Variants in HS6ST2 observed in about 807,000 individuals in gnomAD.
The protein encoded by HS6ST2 is heparan-sulfate 6-O-sulfotransferase 2.
In HS6ST2, 17 loss-of-function variants were observed where a neutral mutation model predicts 33.0. That is an observed-to-expected ratio of 0.52 (90% confidence interval 0.35 to 0.77). HS6ST2 has a LOEUF of 0.77. Among genes scored for constraint, HS6ST2 ranks in the 30% least tolerant of loss-of-function variants. The pLI is 0.01. For missense variants in HS6ST2, 519 were observed against 551.7 expected (o/e 0.94, Z 0.59); for synonymous variants, 248 against 237.1 (o/e 1.05, Z -0.42).
intron 2 of HS6ST2, among the ~76,000 whole-genome samples, chrX:132,850,435 A>G (rs1286608412): frequency 1.8e-5 from 2 of 111,264 alleles, no homozygotes; most frequent in African/African-American, 6.5e-5. Context: ...AGTGCAATAT[A>G]CCAGTACAAA....
chrX:132,814,100 C>T (rs1004639583), intron 2 of HS6ST2, among the ~76,000 whole-genome samples: 2 of 110,880 alleles, frequency 1.8e-5, no homozygotes, highest in Admixed American at 9.6e-5. Flanking sequence ...CCCACCACCA[C>T]GCCCGGATAA....
Position 132,719,955 on chromosome X carries a change from T to C in HS6ST2, c.948-11461A>G, listed in dbSNP as rs1480538123. 2.7e-5 allele frequency among the ~76,000 whole-genome samples: 3 copies of C among 112,460 alleles called. No homozygotes were observed. The East Asian group carries it at 8.4e-4, about 32-fold the overall frequency. The stretch of plus-strand genomic sequence containing the variant: ...ACCACCTAAGGTTGCTGGGGCTGCC[T>C]GTCTGACTGTGACATCCAAGCTACT... On this transcript the variant is annotated intron_variant, in intron 2 of 4. Transcript: ENST00000370833.
intron 4 of HS6ST2, among the ~76,000 whole-genome samples, chrX:132,661,380 T>C (rs1005866837): frequency 9.2e-6 from 1 of 108,873 alleles, no homozygotes; most frequent in African/African-American, 3.3e-5. Flanking sequence ...TCTACAAAAA[T>C]CAATTATACT....
intron 2 of HS6ST2, among the ~76,000 whole-genome samples, chrX:132,760,609 C>T (rs772076286): frequency 6.4e-4 from 72 of 111,660 alleles, no homozygotes; most frequent in African/African-American, 2.3e-3. Context: ...CTACTCAGAG[C>T]AAAGAAAAGT....
chrX:132,656,802 G>C lies in HS6ST2; in HGVS notation c.1067+12311C>G, dbSNP rs141204393. ...TCAGGAAGAGGTAGAGTGAGGGCCT[G>C]GAGCCCCATCTATTTACCACTCCAG... On this transcript the variant is annotated intron_variant, in intron 4 of 4. Transcript: ENST00000370833. Among the ~76,000 whole-genome samples, 622 of 111,913 alleles carry C rather than the reference G, an allele frequency of 5.6e-3. 6 individuals are homozygous for C. The highest frequency in any genetic ancestry group is 0.019 in the African/African-American group (599 of 30,839).
At chrX:132,697,190 T>C (rs902118127) in intron 3 of HS6ST2, among the ~76,000 whole-genome samples, 1 of 112,103 alleles carries the variant, frequency 8.9e-6, no homozygotes, top group Admixed American at 9.5e-5. Context: ...GAAATGAGCA[T>C]ATCAGGTGTG....
intron 3 of HS6ST2, among the ~76,000 whole-genome samples, chrX:132,676,358 A>G (rs2063923526): frequency 8.9e-6 from 1 of 112,158 alleles, no homozygotes; most frequent in Non-Finnish European, 1.9e-5. Context: ...CAGCTACATA[A>G]CAATGTAATG....
chrX:132,881,585 T>C (rs1222218047), intron 2 of HS6ST2, among the ~76,000 whole-genome samples: 1 of 111,807 alleles, frequency 8.9e-6, no homozygotes. Flanking sequence ...GCCTGTTCAC[T>C]CTGATGGTAG....
Position 132,662,159 on chromosome X carries a change from A to C in HS6ST2, c.1067+6954T>G, listed in dbSNP as rs199681787. ...ACATATGGACAAATGATCTTCAAGA[A>C]AGTTGCCAAGGTAGTTCAAAGAAAG... On this transcript the variant is annotated intron_variant, in intron 4 of 4. Transcript: ENST00000370833. Among the ~76,000 whole-genome samples the C allele has an allele frequency of 5.4e-5, 6 of 110,635 alleles. No homozygotes were observed. In the East Asian group the frequency reaches 1.4e-3, roughly 26 times the overall value.
At chrX:132,696,496 G>C (rs925370121) in intron 3 of HS6ST2, among the ~76,000 whole-genome samples, 2 of 111,513 alleles carry the variant, frequency 1.8e-5, no homozygotes, top group Non-Finnish European at 3.8e-5. Flanking sequence ...CTGATTTTCA[G>C]TTCTTGGTCT....
chrX:132,889,494 C>T (rs185268788), intron 2 of HS6ST2, among the ~76,000 whole-genome samples: 117 of 110,761 alleles, frequency 1.1e-3, no homozygotes, highest in Non-Finnish European at 2.0e-3. Context: ...ATCAATGAGT[C>T]CTGGGAATAC....
At chrX:132,948,266 T>G (rs967054190) in intron 2 of HS6ST2, among the ~76,000 whole-genome samples, 4 of 112,031 alleles carry the variant, frequency 3.6e-5, no homozygotes, top group African/African-American at 1.3e-4. Flanking sequence ...AATTATTCTC[T>G]TATAATATAA....
intron 3 of HS6ST2, among the ~76,000 whole-genome samples, chrX:132,693,489 G>T (rs1351465107): frequency 9.0e-6 from 1 of 111,515 alleles, no homozygotes; most frequent in African/African-American, 3.3e-5. Context: ...GCCTGGAAGG[G>T]GGGCAAGATA....
intron 2 of HS6ST2, among the ~76,000 whole-genome samples, chrX:132,852,968 G>A (rs924689501): frequency 2.7e-5 from 3 of 111,753 alleles, no homozygotes; most frequent in Non-Finnish European, 3.8e-5. Context: ...ATAGCCAGCT[G>A]CCAATAATCT....
intron 2 of HS6ST2, among the ~76,000 whole-genome samples, chrX:132,941,410 G>T (rs1471312524): frequency 8.9e-6 from 1 of 111,804 alleles, no homozygotes; most frequent in Admixed American, 9.5e-5. Flanking sequence ...TCGTCCTAAT[G>T]GATCTCATGA....
intron 2 of HS6ST2, among the ~76,000 whole-genome samples, chrX:132,856,675 C>T (rs925389225): frequency 2.7e-5 from 3 of 110,965 alleles, no homozygotes; most frequent in African/African-American, 9.8e-5. Flanking sequence ...TAACTACAAT[C>T]CCTCTGATAG....
chrX:132,772,790 GATATA>G (rs1461736314), intron 2 of HS6ST2, among the ~76,000 whole-genome samples: 10 of 82,811 alleles, frequency 1.2e-4, no homozygotes, highest in Non-Finnish European at 1.6e-4. Flanking sequence ...TTTTATATAT[GATATA>G]ATATAAAATA....
chrX:132,827,408 G>A (rs1173144038), intron 2 of HS6ST2, among the ~76,000 whole-genome samples: 2 of 110,682 alleles, frequency 1.8e-5, no homozygotes, highest in African/African-American at 6.6e-5. Flanking sequence ...AGTTTGTTAT[G>A]GCACAGGATG....
intron 3 of HS6ST2, among the ~76,000 whole-genome samples, chrX:132,705,751 G>A (rs1004324356): frequency 9.0e-6 from 1 of 111,695 alleles, no homozygotes; most frequent in Non-Finnish European, 1.9e-5. Context: ...GATTGGACCC[G>A]AGGTCAGTTT....
Sources: gnomAD v4.1 joint callset for allele counts (sites outside exome capture counted in the v4.1 genomes callset) on GRCh38, gnomAD v4.1.1 for gene constraint, MANE v1.5 for transcripts, NCBI Gene and HGNC (gene_info 2026-07-23, HGNC 2026-07-21) for gene names.